UNC13C: variants seen among roughly 807,000 people sequenced by gnomAD.
UNC13C encodes the protein unc-13 homolog C, also known as protein unc-13 homolog C.
UNC13C carries 174 observed loss-of-function variants against 245.4 expected under a neutral mutation model. The observed-to-expected ratio is 0.71, with a 90% CI of 0.63 to 0.80. The LOEUF (loss-of-function observed/expected upper bound fraction) is 0.80. UNC13C is among the 30% of genes least tolerant of loss of function. The pLI is 0.00. For synonymous variants in UNC13C, 992 were observed against 895.1 expected (o/e 1.11, Z -1.93); for missense variants, 2,829 against 2,602.9 (o/e 1.09, Z -1.89).
intron 4 of UNC13C, among the ~76,000 whole-genome samples, chr15:54,226,692 G>A (rs2035394405): frequency 6.6e-6 from 1 of 152,182 alleles, no homozygotes; most frequent in Non-Finnish European, 1.5e-5. Context: ...AAACCAAGCT[G>A]AGGCTGGCCG....
chr15:54,315,032 T>C (rs989032779), intron 13 of UNC13C, among the ~76,000 whole-genome samples: 1 of 151,760 alleles, frequency 6.6e-6, no homozygotes, highest in African/African-American at 2.4e-5. Flanking sequence ...TTCTACACTT[T>C]CTAAATTGTT....
intron 30 of UNC13C, among the ~76,000 whole-genome samples, chr15:54,580,148 C>T (rs893381921): frequency 1.3e-5 from 2 of 152,182 alleles, no homozygotes. Context: ...TGTTTTTGTT[C>T]ACTGAGAACA....
intron 4 of UNC13C, among the ~76,000 whole-genome samples, chr15:54,185,892 C>T (rs2033963940): frequency 6.6e-6 from 1 of 151,154 alleles, no homozygotes; most frequent in Non-Finnish European, 1.5e-5. Context: ...TTGATTCTTC[C>T]TACCCATGAG....
intron 17 of UNC13C, among the ~76,000 whole-genome samples, chr15:54,383,754 G>T (rs974061392): frequency 2.0e-5 from 3 of 151,962 alleles, no homozygotes; most frequent in African/African-American, 7.2e-5. Flanking sequence ...CATGATCTTA[G>T]GTCCAGATAA....
intron 4 of UNC13C, among the ~76,000 whole-genome samples, chr15:54,150,904 T>C (rs568994699): frequency 6.6e-6 from 1 of 152,238 alleles, no homozygotes; most frequent in Non-Finnish European, 1.5e-5. Flanking sequence ...CTTTTAGGCA[T>C]ATTTTATTCC....
chr15:54,098,123 C>G (rs188770447), intron 2 of UNC13C, among the ~76,000 whole-genome samples: 2 of 152,278 alleles, frequency 1.3e-5, no homozygotes, highest in East Asian at 1.9e-4. Flanking sequence ...GATGGGATAG[C>G]TGGGCTAAAG....
At chr15:53,909,016 G>T in the UNC13C span, among the ~76,000 whole-genome samples, 277 of 145,896 alleles carry the variant, frequency 1.9e-3, 30 homozygotes, top group Admixed American at 3.5e-3. Context: ...CTATATAGTG[G>T]TATAAATAAT....
At chr15:54,288,709 T>C (rs1435734754) in intron 10 of UNC13C, among the ~76,000 whole-genome samples, 1 of 152,100 alleles carries the variant, frequency 6.6e-6, no homozygotes, top group Non-Finnish European at 1.5e-5. Flanking sequence ...AACAACCTCT[T>C]TAGCTTCTCA....
the UNC13C span, among the ~76,000 whole-genome samples, chr15:53,842,629 C>A: frequency 6.6e-6 from 1 of 152,062 alleles, no homozygotes; most frequent in Non-Finnish European, 1.5e-5. Flanking sequence ...GGATATAACT[C>A]TAAATTGATA....
chr15:54,090,283 G>A (rs1462693700), intron 2 of UNC13C, among the ~76,000 whole-genome samples: 1 of 141,704 alleles, frequency 7.1e-6, no homozygotes, highest in Non-Finnish European at 1.6e-5. Context: ...TTATGACTCT[G>A]TTGTTACTAT....
At chr15:54,564,358 CTT>C in intron 29 of UNC13C, among the ~76,000 whole-genome samples, 1 of 152,072 alleles carries the variant, frequency 6.6e-6, no homozygotes, top group South Asian at 2.1e-4. Flanking sequence ...TAATCTAAAA[CTT>C]TAGGGACCTT....
In UNC13C at chr15:54,054,149, GA is replaced by G. The variant is rs1480212844; in HGVS notation, c.2983+38264del. 1.4e-4 allele frequency among the ~76,000 whole-genome samples: 22 copies of G among 152,254 alleles called. No homozygotes were observed. The East Asian group carries it at 4.3e-3, about 29-fold the overall frequency. Reference sequence around the variant, plus strand: ...TCTTTGGGCATATACCTAGCAGGGGGATTGCTGGAGTATATCATAGCTCTAT... The same window carrying G: ...TCTTTGGGCATATACCTAGCAGGGGGTTGCTGGAGTATATCATAGCTCTAT... On this transcript the variant is annotated intron_variant, in intron 2 of 32. Coordinates refer to ENST00000260323, the MANE Select transcript of UNC13C (RefSeq NM_001080534.3).
intron 13 of UNC13C, among the ~76,000 whole-genome samples, chr15:54,303,977 C>A (rs2037657412): frequency 6.6e-6 from 1 of 152,006 alleles, no homozygotes; most frequent in African/African-American, 2.4e-5. Flanking sequence ...TATATTGGGT[C>A]TCATTGTATT....
intron 24 of UNC13C, among the ~76,000 whole-genome samples, chr15:54,518,863 G>A (rs1467923012): frequency 6.6e-6 from 1 of 152,174 alleles, no homozygotes; most frequent in Admixed American, 6.5e-5. Context: ...TGAACATAAA[G>A]TGTCTCGTTG....
At chr15:54,485,612 A>T (rs1398201023) in intron 19 of UNC13C, among the ~76,000 whole-genome samples, 1 of 152,182 alleles carries the variant, frequency 6.6e-6, no homozygotes, top group African/African-American at 2.4e-5. Flanking sequence ...GACCAAAATC[A>T]TGCAGTTTTA....
rs552631122 is a variant in UNC13C at position 54,347,088 on chromosome 15, T to G, written c.4713+8599T>G. Among the ~76,000 whole-genome samples the G allele has an allele frequency of 3.3e-5, 5 of 152,168 alleles. No homozygotes were observed. In the East Asian group the frequency reaches 7.7e-4, roughly 23 times the overall value. ...GCTGGATAATATTAATAGTGATTATTGCTAGCATGAACACATCCATTTTAA... is the reference window on the plus strand; with the variant it reads ...GCTGGATAATATTAATAGTGATTATGGCTAGCATGAACACATCCATTTTAA... On this transcript the variant is annotated intron_variant, in intron 17 of 32. Transcript: ENST00000260323.
At chr15:53,883,153 C>T in the UNC13C span, among the ~76,000 whole-genome samples, 1 of 152,110 alleles carries the variant, frequency 6.6e-6, no homozygotes, top group East Asian at 1.9e-4. Flanking sequence ...AATAGTGAAT[C>T]AGCAATTGAA....
At chr15:54,089,808 C>T (rs886763276) in intron 2 of UNC13C, among the ~76,000 whole-genome samples, 1 of 152,100 alleles carries the variant, frequency 6.6e-6, no homozygotes, top group Admixed American at 6.6e-5. Context: ...AGAAATTCAA[C>T]TCATCATAAA....
At chr15:54,134,432 GTGTGTGCGTT>G (rs1407159370) in intron 2 of UNC13C, among the ~76,000 whole-genome samples, 4 of 128,812 alleles carry the variant, frequency 3.1e-5, no homozygotes, top group African/African-American at 1.0e-4. Context: ...GTGTGTGTGT[GTGTGTGCGTT>G]TGTGTGTGTA....
Sources: allele counts gnomAD v4.1 joint callset (sites outside exome capture counted in the v4.1 genomes callset), GRCh38; gene constraint gnomAD v4.1.1; transcripts MANE v1.5; gene names NCBI Gene and HGNC (gene_info 2026-07-23, HGNC 2026-07-21).